The following IL1RAPL1 variants were observed in gnomAD, a reference collection of about 807,000 sequenced individuals.
The protein encoded by IL1RAPL1 is interleukin-1 receptor accessory protein-like 1.
A neutral mutation model predicts 48.4 loss-of-function variants in IL1RAPL1; 3 were observed. The observed-to-expected ratio is 0.06, with a 90% CI of 0.03 to 0.16. IL1RAPL1 has a LOEUF of 0.16. IL1RAPL1 is among the 10% of genes least tolerant of loss of function. IL1RAPL1 has a pLI of 1.00. For missense variants in IL1RAPL1, 349 were observed against 530.6 expected, an observed-to-expected ratio of 0.66 and a Z score of 3.36; for synonymous variants, 185 against 187.7, an observed-to-expected ratio of 0.99 and a Z score of 0.12.
At chrX:28,774,973 A>G (rs1334627758) in intron 1 of IL1RAPL1, among the ~76,000 whole-genome samples, 1 of 111,910 alleles carries the variant, frequency 8.9e-6, no homozygotes, top group African/African-American at 3.2e-5. Flanking sequence ...TCTACAAATT[A>G]TTCACCAAGT....
chrX:29,677,641 C>G (rs1926322931), intron 6 of IL1RAPL1, among the ~76,000 whole-genome samples: 1 of 111,644 alleles, frequency 9.0e-6, no homozygotes, highest in African/African-American at 3.3e-5. Flanking sequence ...GCATCTCCAA[C>G]TGATCCAGAA....
intron 5 of IL1RAPL1, among the ~76,000 whole-genome samples, chrX:29,449,405 G>A (rs934268959): frequency 2.7e-5 from 3 of 110,834 alleles, no homozygotes; most frequent in Non-Finnish European, 5.7e-5. Context: ...GGCAGGGAGA[G>A]AGAGCATAAG....
At chrX:29,507,515 C>T (rs1336555154) in intron 5 of IL1RAPL1, among the ~76,000 whole-genome samples, 1 of 92,462 alleles carries the variant, frequency 1.1e-5, no homozygotes, top group African/African-American at 4.0e-5. Flanking sequence ...GGCAGTCCTC[C>T]CATCTCAGTC....
chrX:28,688,221 T>C (rs1367951907), intron 1 of IL1RAPL1, among the ~76,000 whole-genome samples: 1 of 108,247 alleles, frequency 9.2e-6, no homozygotes, highest in Non-Finnish European at 1.9e-5. Context: ...AGACAGGGTC[T>C]CACTCTGTTG....
intron 3 of IL1RAPL1, among the ~76,000 whole-genome samples, chrX:29,380,715 G>T (rs954142764): frequency 8.9e-6 from 1 of 112,262 alleles, no homozygotes; most frequent in African/African-American, 3.2e-5. Context: ...CTGCACACCA[G>T]TGTTACTGGT....
intron 1 of IL1RAPL1, among the ~76,000 whole-genome samples, chrX:28,715,895 G>A (rs1221932021): frequency 1.8e-5 from 2 of 111,399 alleles, no homozygotes; most frequent in African/African-American, 6.5e-5. Flanking sequence ...AAAACTTCAG[G>A]CCAATTTACT....
At chrX:29,706,560 G>A (rs777084326) in intron 6 of IL1RAPL1, among the ~76,000 whole-genome samples, 2 of 111,837 alleles carry the variant, frequency 1.8e-5, no homozygotes, top group South Asian at 7.5e-4. Flanking sequence ...ATACAGCACG[G>A]CAGTCAAATC....
chrX:29,681,605 A>C (rs1926452500), intron 6 of IL1RAPL1, among the ~76,000 whole-genome samples: 1 of 112,172 alleles, frequency 8.9e-6, no homozygotes, highest in African/African-American at 3.2e-5. Context: ...TCTTCTCTGC[A>C]CATTTCCACT....
intron 2 of IL1RAPL1, among the ~76,000 whole-genome samples, chrX:29,158,868 G>A (rs73212118): frequency 0.22 from 23,732 of 107,039 alleles, 2,621 homozygotes; most frequent in African/African-American, 0.4. Flanking sequence ...TGTCTTTGGG[G>A]TCCTGGATAA....
In IL1RAPL1 at chrX:29,610,211, C is replaced by G. The variant is rs1016188318; in HGVS notation, c.704-58219C>G. On this transcript the variant is annotated intron_variant, in intron 5 of 10. Transcript: ENST00000378993. ...ATGACTTACCTGTGTTTAATATATT[C>G]AGAGCCTGACAATGAGAGAGAATAA... Among the ~76,000 whole-genome samples, 7 of 111,650 alleles carry G rather than the reference C, an allele frequency of 6.3e-5. No individual in the cohort carries two copies. In the East Asian group the frequency reaches 2.0e-3, roughly 31 times the overall value.
At chrX:28,700,814 TG>T (rs1405700471) in intron 1 of IL1RAPL1, among the ~76,000 whole-genome samples, 2 of 111,288 alleles carry the variant, frequency 1.8e-5, no homozygotes, top group African/African-American at 6.5e-5. Flanking sequence ...TTTGATTTTC[TG>T]TTCCTGTGTT....
Position 29,955,105 on chromosome X carries a change from A to G in IL1RAPL1, c.1376A>G (p.Tyr459Cys). The change falls in exon 11 of 11, where the codon TAC becomes TGC. Residue 459 changes from tyrosine (Y) to cysteine (C), a missense_variant. By Grantham distance (194) the Tyr-to-Cys change is radical. Around this residue, in one of 3 missense-constraint regions of IL1RAPL1, gnomAD observed 238 missense variants for 337.8 expected, o/e 0.70. Transcript: ENST00000378993. ...PDRDLIPTGT[Y>C]IEDVARCVDQ... ...TGCACTCTTTTATCTTTTGTAGCAT[A>G]CATTGAAGATGTGGCAAGATGTGTA... 1 of 1,203,746 alleles carries G rather than the reference A, an allele frequency of 8.3e-7. No individual in the cohort carries two copies. Among genetic ancestry groups the G allele is most frequent in the South Asian group, 1.8e-5 (1 of 56,826 alleles).
chrX:29,945,665 C>T (rs945938741), intron 9 of IL1RAPL1, among the ~76,000 whole-genome samples: 3 of 111,787 alleles, frequency 2.7e-5, no homozygotes, highest in African/African-American at 9.7e-5. Context: ...CTAAATGGCT[C>T]TAAATTCCAA....
At chrX:29,346,475 AG>A (rs1162334861) in intron 3 of IL1RAPL1, among the ~76,000 whole-genome samples, 1 of 112,118 alleles carries the variant, frequency 8.9e-6, no homozygotes, top group Non-Finnish European at 1.9e-5. Context: ...TTCATTTAAA[AG>A]GGGATGTGGC....
At position 28,625,737 on chromosome X, in the gene IL1RAPL1, C is replaced by CGTGTGTGTGT. The variant is rs112613600; in HGVS notation, c.-25+37713_-25+37722dup. Among the ~76,000 whole-genome samples the CGTGTGTGTGT allele has an allele frequency of 5.4e-3, 532 of 99,305 alleles. 5 individuals carry two copies. Among genetic ancestry groups the CGTGTGTGTGT allele is most frequent in the African/African-American group, 0.014 (391 of 27,110 alleles). 86.2% of individuals were successfully genotyped at this position (99,305 alleles called of 115,157 possible). A position where few individuals can be genotyped will look rare whatever the true frequency, so the allele number is the denominator to read the frequency against. ...GAACCCAAAGGAGCTAATCAAAATG[C>CGTGTGTGTGT]GTGTGTGTGTGTGTGTGTGTGTGTG... On this transcript the variant is annotated intron_variant, in intron 1 of 10. Transcript: ENST00000378993.
intron 6 of IL1RAPL1, among the ~76,000 whole-genome samples, chrX:29,862,307 G>T (rs146755400): frequency 9.0e-6 from 1 of 111,645 alleles, no homozygotes; most frequent in Non-Finnish European, 1.9e-5. Context: ...CAGAATTCAT[G>T]CATGGTATTT....
intron 2 of IL1RAPL1, among the ~76,000 whole-genome samples, chrX:29,150,370 AAAC>A (rs1490985961): frequency 8.9e-6 from 1 of 111,816 alleles, no homozygotes; most frequent in Non-Finnish European, 1.9e-5. Flanking sequence ...GATAATAACA[AAAC>A]AACAATAATA....
chrX:28,966,960 G>T (rs1002762495), intron 2 of IL1RAPL1, among the ~76,000 whole-genome samples: 1 of 111,813 alleles, frequency 8.9e-6, no homozygotes, highest in Non-Finnish European at 1.9e-5. Context: ...ACTCAATTAG[G>T]ACTGGTTCAA....
chrX:29,644,327 T>C (rs778644391), intron 5 of IL1RAPL1, among the ~76,000 whole-genome samples: 6 of 111,958 alleles, frequency 5.4e-5, no homozygotes, highest in African/African-American at 1.9e-4. Flanking sequence ...AAGAATTAAT[T>C]CTTTGTCAAG....
Sources: gnomAD v4.1 joint callset for allele counts (sites outside exome capture counted in the v4.1 genomes callset) on GRCh38, gnomAD v4.1.1 for gene constraint, gnomAD v4.1.1 regional missense constraint, MANE v1.5 for transcripts, NCBI Gene and HGNC (gene_info 2026-07-23, HGNC 2026-07-21) for gene names.